MARCHF11: variants seen among roughly 807,000 people sequenced by gnomAD.
MARCHF11 encodes E3 ubiquitin-protein ligase MARCHF11.
In MARCHF11, 29 loss-of-function variants were observed where a neutral mutation model predicts 37.3. That is an observed-to-expected ratio of 0.78 (90% CI 0.58 to 1.06). The LOEUF (loss-of-function observed/expected upper bound fraction) is 1.06, where lower values mean the gene tolerates loss of function less well. MARCHF11 is among the 50% of genes least tolerant of loss of function. The pLI is 0.00. For missense variants in MARCHF11, 482 were observed against 533.4 expected, an observed-to-expected ratio of 0.90 and a Z score of 0.95; for synonymous variants, 233 against 228.0, an observed-to-expected ratio of 1.02 and a Z score of -0.20.
At chr5:16,158,688 T>C (rs1487697440) in intron 2 of MARCHF11, among the ~76,000 whole-genome samples, 2 of 151,988 alleles carry the variant, frequency 1.3e-5, no homozygotes, top group Non-Finnish European at 2.9e-5. Context: ...TTAATAACAA[T>C]GTATTGCATT....
intron 2 of MARCHF11, among the ~76,000 whole-genome samples, chr5:16,166,909 G>A (rs983865984): frequency 3.3e-5 from 5 of 150,090 alleles, no homozygotes; most frequent in East Asian, 2.0e-4. Context: ...GTGTGTGTGT[G>A]TGTGTGTGTA....
intron 3 of MARCHF11, among the ~76,000 whole-genome samples, chr5:16,080,324 C>T (rs941373905): frequency 6.6e-5 from 10 of 152,306 alleles, no homozygotes; most frequent in African/African-American, 2.4e-4. Flanking sequence ...CCTGACCCCA[C>T]TCCTTTTCCA....
chr5:16,067,868 T>C (rs1334243201), intron 3 of MARCHF11, 75 bp from the exon 4 acceptor site: 2 of 1,267,260 alleles, frequency 1.6e-6, no homozygotes, highest in Non-Finnish European at 2.2e-6. Context: ...TGTATACAAG[T>C]AAGGGATCCA....
intron 3 of MARCHF11, among the ~76,000 whole-genome samples, chr5:16,082,741 C>T (rs1736632712): frequency 6.6e-6 from 1 of 152,170 alleles, no homozygotes; most frequent in Non-Finnish European, 1.5e-5. Context: ...ATCAACTCTC[C>T]TGGTTATTAA....
intron 3 of MARCHF11, among the ~76,000 whole-genome samples, chr5:16,084,658 A>T (rs1465286840): frequency 6.6e-6 from 1 of 152,106 alleles, no homozygotes; most frequent in East Asian, 1.9e-4. Context: ...AACAAAAAAA[A>T]AAAAGAATTT....
At chr5:16,101,299 C>A (rs1407359700) in intron 2 of MARCHF11, among the ~76,000 whole-genome samples, 1 of 152,116 alleles carries the variant, frequency 6.6e-6, no homozygotes, top group East Asian at 1.9e-4. Flanking sequence ...TGGCGTGAAC[C>A]CCGGAGGCGG....
At chr5:16,108,141 C>T (rs1398531593) in intron 2 of MARCHF11, among the ~76,000 whole-genome samples, 17 of 152,210 alleles carry the variant, frequency 1.1e-4, no homozygotes, top group Non-Finnish European at 1.3e-4. Flanking sequence ...AAAGAGCACA[C>T]TGTAACATGC....
At chr5:16,170,047 C>T (rs1354004356) in intron 2 of MARCHF11, among the ~76,000 whole-genome samples, 3 of 152,112 alleles carry the variant, frequency 2.0e-5, no homozygotes, top group African/African-American at 4.8e-5. Flanking sequence ...GTATTGTATT[C>T]ACCGGTGGAA....
intron 1 of MARCHF11, among the ~76,000 whole-genome samples, chr5:16,178,130 C>T (rs546009946): frequency 1.3e-5 from 2 of 152,194 alleles, no homozygotes; most frequent in Non-Finnish European, 2.9e-5. Context: ...AGATATAGCT[C>T]CCAATACCCG....
chr5:16,124,771 C>A (rs1225920843), intron 2 of MARCHF11, among the ~76,000 whole-genome samples: 2 of 141,938 alleles, frequency 1.4e-5, no homozygotes, highest in Non-Finnish European at 3.3e-5. Context: ...CTTAGACATT[C>A]AGTCACCAAT....
intron 3 of MARCHF11, among the ~76,000 whole-genome samples, chr5:16,085,827 C>T (rs1285776016): frequency 6.6e-6 from 1 of 151,408 alleles, no homozygotes; most frequent in Non-Finnish European, 1.5e-5. Context: ...GTAGTCCCAG[C>T]TACTCAGGAG....
chr5:16,112,834 A>G (rs547147757), intron 2 of MARCHF11, among the ~76,000 whole-genome samples: 1 of 152,170 alleles, frequency 6.6e-6, no homozygotes, highest in Non-Finnish European at 1.5e-5. Flanking sequence ...TGAATCATGG[A>G]GGTGGTTTCC....
intron 3 of MARCHF11, among the ~76,000 whole-genome samples, chr5:16,076,047 C>G (rs377513282): frequency 6.6e-6 from 1 of 152,198 alleles, no homozygotes; most frequent in Admixed American, 6.5e-5. Context: ...ATGGATTCCT[C>G]CCTGTCTTTT....
rs1736363009 is a variant in MARCHF11, at chr5:16,067,220, C to T, written c.*251G>A. 1 of 368,732 alleles carries T rather than the reference C, an allele frequency of 2.7e-6. No individual in the cohort carries two copies. Among genetic ancestry groups the T allele is most frequent in the Non-Finnish European group, 4.8e-6 (1 of 206,842 alleles). 22.8% of individuals were successfully genotyped at this position (368,732 alleles called of 1,614,324 possible). ...GGATAACTTTCATTATTCTTTTAAC[C>T]AAGTATAGTTAAATTATATGTATAA... On this transcript the variant is annotated 3_prime_UTR_variant, in exon 4 of 4. Transcript: ENST00000332432.
intron 3 of MARCHF11, among the ~76,000 whole-genome samples, chr5:16,083,896 C>A (rs1384423902): frequency 6.6e-6 from 1 of 152,184 alleles, no homozygotes; most frequent in Non-Finnish European, 1.5e-5. Flanking sequence ...TAGGGGGAAG[C>A]AACACTGGTT....
At chr5:16,171,409 A>G (rs1223126003) in intron 2 of MARCHF11, among the ~76,000 whole-genome samples, 1 of 152,086 alleles carries the variant, frequency 6.6e-6, no homozygotes, top group Non-Finnish European at 1.5e-5. Context: ...CCAAATCAAT[A>G]CTCCATATGT....
At chr5:16,101,646 G>A (rs1407313801) in intron 2 of MARCHF11, among the ~76,000 whole-genome samples, 1 of 152,080 alleles carries the variant, frequency 6.6e-6, no homozygotes. Context: ...GACTCCCCAG[G>A]GGAGCCCTAT....
At position 16,139,497 on chromosome 5, in the gene MARCHF11, G is replaced by C. The variant is rs563202382; in HGVS notation, c.693+38229C>G. 2.6e-5 allele frequency among the ~76,000 whole-genome samples: 4 copies of C among 152,140 alleles called. No homozygotes were observed. The East Asian group carries it at 7.7e-4, about 29-fold the overall frequency. On this transcript the variant is annotated intron_variant, in intron 2 of 3. Coordinates refer to ENST00000332432, the MANE Select transcript of MARCHF11 (RefSeq NM_001102562.3). ...GACTAATACATATGCTATATGTAAGGAACATCTAAAATAATGTGACTCAGA... is the reference window on the plus strand; with the variant it reads ...GACTAATACATATGCTATATGTAAGCAACATCTAAAATAATGTGACTCAGA...
chr5:16,146,116 T>C (rs1737791258), intron 2 of MARCHF11, among the ~76,000 whole-genome samples: 1 of 152,164 alleles, frequency 6.6e-6, no homozygotes, highest in Non-Finnish European at 1.5e-5. Context: ...GTAAATAATC[T>C]AAATAACTGA....
Sources: allele counts gnomAD v4.1 joint callset (sites outside exome capture counted in the v4.1 genomes callset), GRCh38; gene constraint gnomAD v4.1.1; transcripts MANE v1.5; gene names NCBI Gene and HGNC (gene_info 2026-07-23, HGNC 2026-07-21).